The following SLC4A7 variants were observed in gnomAD, a reference collection of about 807,000 sequenced individuals.
The protein encoded by SLC4A7 is solute carrier family 4 member 7.
A neutral mutation model predicts 137.6 loss-of-function variants in SLC4A7; 51 were observed. The ratio of observed to expected loss-of-function variants is 0.37; its 90% CI spans 0.30 to 0.47. The LOEUF is 0.47. SLC4A7 is among the 20% of genes least tolerant of loss of function. The pLI is 1.00. For missense variants in SLC4A7, 1,247 were observed against 1,525.4 expected (o/e 0.82, Z 3.04); for synonymous variants, 542 against 518.6 (o/e 1.05, Z -0.61).
chr3:27,411,529 A>G (rs937760615), intron 12 of SLC4A7, 113 bp downstream of exon 12: 1 of 411,948 alleles, frequency 2.4e-6, no homozygotes, highest in African/African-American at 2.1e-5. Flanking sequence ...ATTTTTATAC[A>G]TATGAAAAAA....
chr3:27,454,455 G>C (rs2058285446), intron 1 of SLC4A7, among the ~76,000 whole-genome samples: 1 of 152,182 alleles, frequency 6.6e-6, no homozygotes. Flanking sequence ...GACAAAGCGA[G>C]ACTCCGTCTC....
At chr3:27,455,357 A>G (rs2058336198) in intron 1 of SLC4A7, among the ~76,000 whole-genome samples, 1 of 152,218 alleles carries the variant, frequency 6.6e-6, no homozygotes, top group Admixed American at 6.5e-5. Context: ...AGACTAAACC[A>G]AAATTTTATT....
At position 27,431,601 on chromosome 3, in the gene SLC4A7, C is replaced by T; in HGVS notation, c.847G>A (p.Gly283Arg). ...GLSASNLSLR[G>R]ESPLSLLLGH... is the part of the protein sequence containing the mutation. ...AGAAGAAGAGATAAAGGTGATTCTC[C>T]TCTCAAGGAAAGGTTTGAGGCAGAC... Residue 283 changes from glycine to arginine, a missense_variant, in exon 7 of 26, where the codon GGA (glycine) becomes AGA (arginine). By Grantham distance (125) the Gly-to-Arg change is moderately radical. This residue lies in a region of SLC4A7 where 223 missense variants were observed against 203.6 expected (regional missense o/e 1.10). Coordinates refer to ENST00000454389, the MANE Select transcript of SLC4A7 (RefSeq NM_001321103.2). 5.0e-6 allele frequency: 8 copies of T among 1,613,758 alleles called. No homozygotes were observed. Among genetic ancestry groups the T allele is most frequent in the Non-Finnish European group, 5.9e-6 (7 of 1,179,800 alleles).
intron 1 of SLC4A7, among the ~76,000 whole-genome samples, chr3:27,459,441 A>C (rs1340848685): frequency 2.6e-5 from 4 of 152,180 alleles, no homozygotes. Flanking sequence ...TCAACAAATA[A>C]ACTTTAACCA....
At chr3:27,445,747 G>A (rs2057539567) in intron 3 of SLC4A7, among the ~76,000 whole-genome samples, 1 of 117,018 alleles carries the variant, frequency 8.5e-6, no homozygotes, top group Non-Finnish European at 1.7e-5. Context: ...CTGAAATCCT[G>A]TCTCTACTAA....
At chr3:27,387,628 G>C (rs1201193858) in intron 22 of SLC4A7, among the ~76,000 whole-genome samples, 2 of 152,158 alleles carry the variant, frequency 1.3e-5, no homozygotes, top group Non-Finnish European at 2.9e-5. Context: ...CTTATTTGCT[G>C]TCCCTTAATA....
intron 24 of SLC4A7, among the ~76,000 whole-genome samples, chr3:27,380,238 C>A (rs1452254789): frequency 6.7e-6 from 1 of 149,074 alleles, no homozygotes; most frequent in African/African-American, 2.5e-5. Context: ...ACCCGGGGGG[C>A]AGAGGTTGTA....
chr3:27,382,967 T>C (rs1157807549), intron 24 of SLC4A7, among the ~76,000 whole-genome samples, 186 bp downstream of exon 24: 1 of 152,216 alleles, frequency 6.6e-6, no homozygotes. Flanking sequence ...CAAGTCCAGC[T>C]TGGGTGGGAA....
chr3:27,448,148 G>A (rs528468791), intron 3 of SLC4A7, among the ~76,000 whole-genome samples: 45 of 148,366 alleles, frequency 3.0e-4, no homozygotes, highest in Middle Eastern at 3.5e-3. Context: ...GGAGGCAGAC[G>A]TTGCAGTGAG....
At chr3:27,412,442 A>G (rs2053994481) in intron 11 of SLC4A7, among the ~76,000 whole-genome samples, 1 of 152,218 alleles carries the variant, frequency 6.6e-6, no homozygotes, top group Non-Finnish European at 1.5e-5. Context: ...GGAAAGGGAG[A>G]CAGAGATCTG....
At chr3:27,464,642 G>A (rs1169625316) in intron 1 of SLC4A7, among the ~76,000 whole-genome samples, 7 of 151,964 alleles carry the variant, frequency 4.6e-5, no homozygotes, top group Non-Finnish European at 8.8e-5. Context: ...GCAGTGAGCC[G>A]AGATCGCACC....
At chr3:27,446,903 A>C (rs976368210) in intron 3 of SLC4A7, among the ~76,000 whole-genome samples, 14 of 119,536 alleles carry the variant, frequency 1.2e-4, no homozygotes, top group African/African-American at 4.1e-4. Context: ...TGTTTTTTTT[A>C]AACAGAGTCT....
At chr3:27,398,623 C>T (rs925832265) in intron 16 of SLC4A7, among the ~76,000 whole-genome samples, 1 of 152,146 alleles carries the variant, frequency 6.6e-6, no homozygotes, top group Admixed American at 6.5e-5. Context: ...TCAAATACTC[C>T]TTTCTTTCAA....
chr3:27,465,474 TAAAA>T (rs10564000), intron 1 of SLC4A7, among the ~76,000 whole-genome samples: 15 of 125,428 alleles, frequency 1.2e-4, no homozygotes, highest in Non-Finnish European at 1.7e-4. Context: ...GTAGGCACAG[TAAAA>T]AAAAAAAAAA....
intron 9 of SLC4A7, 113 bp downstream of exon 9, chr3:27,421,509 T>C: frequency 1.1e-6 from 1 of 871,816 alleles, no homozygotes; most frequent in South Asian, 2.4e-5. Context: ...TAAGATAAAA[T>C]TAAATAAAAT....
intron 1 of SLC4A7, among the ~76,000 whole-genome samples, chr3:27,470,523 G>T (rs1160950031): frequency 6.6e-6 from 1 of 151,144 alleles, no homozygotes; most frequent in Non-Finnish European, 1.5e-5. Context: ...TAATATATAG[G>T]TATGTATTAT....
intron 1 of SLC4A7, among the ~76,000 whole-genome samples, chr3:27,461,208 G>GCGCACA (rs915786613): frequency 8.0e-5 from 12 of 149,998 alleles, no homozygotes; most frequent in African/African-American, 2.2e-4. Context: ...CATCCAATTA[G>GCGCACA]CACACACACA....
At chr3:27,446,331 CA>C (rs1371983381) in intron 3 of SLC4A7, among the ~76,000 whole-genome samples, 1 of 152,026 alleles carries the variant, frequency 6.6e-6, no homozygotes, top group Non-Finnish European at 1.5e-5. Context: ...CTTTAGAGAG[CA>C]AAAACGAAGA....
intron 8 of SLC4A7, 119 bp downstream of exon 8, chr3:27,423,918 T>C (rs1391001850): frequency 1.6e-6 from 1 of 621,378 alleles, no homozygotes; most frequent in Non-Finnish European, 2.8e-6. Flanking sequence ...CATGCAGGTT[T>C]GTAAGCACCA....
Sources: allele counts gnomAD v4.1 joint callset (sites outside exome capture counted in the v4.1 genomes callset), GRCh38; gene constraint gnomAD v4.1.1; regional missense constraint gnomAD v4.1.1; transcripts MANE v1.5; gene names NCBI Gene and HGNC (gene_info 2026-07-23, HGNC 2026-07-21).